The following CELF2 variants were observed in gnomAD, a reference collection of about 807,000 sequenced individuals.
CELF2 encodes the protein CUG triplet repeat RNA-binding protein 2.
In CELF2, 8 loss-of-function variants were observed where a neutral mutation model predicts 62.6. The observed-to-expected ratio is 0.13, with a 90% CI of 0.07 to 0.23. CELF2 has a LOEUF of 0.23. CELF2 is among the 10% of genes least tolerant of loss of function. The pLI, the probability that CELF2 is intolerant of heterozygous loss-of-function variation, is 1.00. For missense variants in CELF2, 333 were observed against 671.0 expected, an observed-to-expected ratio of 0.50 and a Z score of 5.56; for synonymous variants, 258 against 250.0, an observed-to-expected ratio of 1.03 and a Z score of -0.30.
chr10:10,554,389 G>T, the CELF2 span, among the ~76,000 whole-genome samples: 1 of 152,154 alleles, frequency 6.6e-6, no homozygotes, highest in Non-Finnish European at 1.5e-5. Flanking sequence ...TGATCTGATT[G>T]TGTCCTTCTG....
chr10:10,616,475 T>C, the CELF2 span, among the ~76,000 whole-genome samples: 1 of 152,056 alleles, frequency 6.6e-6, no homozygotes, highest in African/African-American at 2.4e-5. Context: ...TGTCCAGGTT[T>C]CAGGTTCTGT....
chr10:10,718,938 G>A, the CELF2 span, among the ~76,000 whole-genome samples: 1 of 149,094 alleles, frequency 6.7e-6, no homozygotes, highest in African/African-American at 2.5e-5. Context: ...CAGACTAACT[G>A]TTTTTCTGAA....
At chr10:10,920,162 C>T (rs915735464) in intron 2 of CELF2, among the ~76,000 whole-genome samples, 3 of 152,162 alleles carry the variant, frequency 2.0e-5, no homozygotes, top group African/African-American at 7.2e-5. Flanking sequence ...ATGCATGCGT[C>T]ACATATACAT....
intron 1 of CELF2, among the ~76,000 whole-genome samples, chr10:11,119,351 G>A (rs1179253094): frequency 2.0e-5 from 3 of 152,198 alleles, no homozygotes; most frequent in African/African-American, 7.2e-5. Flanking sequence ...GACAGTAGAT[G>A]TTCACTATCC....
At chr10:10,777,706 C>A in the CELF2 span, among the ~76,000 whole-genome samples, 2 of 152,150 alleles carry the variant, frequency 1.3e-5, no homozygotes, top group African/African-American at 4.8e-5. Flanking sequence ...TGCCCCTCTG[C>A]TGAAATCTGT....
chr10:10,871,829 G>A (rs937653236), intron 1 of CELF2, among the ~76,000 whole-genome samples: 2 of 152,114 alleles, frequency 1.3e-5, no homozygotes, highest in Non-Finnish European at 2.9e-5. Context: ...GGCAAACATT[G>A]CCAGAAATTT....
intron 1 of CELF2, among the ~76,000 whole-genome samples, chr10:11,099,242 T>C (rs2050760770): frequency 6.6e-6 from 1 of 152,220 alleles, no homozygotes; most frequent in East Asian, 1.9e-4. Flanking sequence ...TGTTCTGCTC[T>C]TCAGTAAAAA....
At chr10:10,565,154 G>A in the CELF2 span, among the ~76,000 whole-genome samples, 1 of 152,224 alleles carries the variant, frequency 6.6e-6, no homozygotes, top group Non-Finnish European at 1.5e-5. Context: ...GTAGGGTGAG[G>A]AGAGGCATTC....
intron 2 of CELF2, chr10:11,171,118 A>G (rs1596554400): frequency 6.6e-6 from 1 of 152,356 alleles, no homozygotes; most frequent in East Asian, 1.9e-4. Context: ...TACGTACCAA[A>G]GGAAAAAACT....
At position 10,838,306 on chromosome 10, in the gene CELF2, A is replaced by G. The variant is rs2058443749; in HGVS notation, c.53+39489A>G. Among the ~76,000 whole-genome samples the G allele has an allele frequency of 3.3e-5, 5 of 152,312 alleles. No individual in the cohort carries two copies. The South Asian group carries it at 1.0e-3, about 32-fold the overall frequency. ...CACTATATCGAGTGTACATGCTATC[A>G]ACATGGCTTCTCATGGTTGATGTCC... On this transcript the variant is annotated intron_variant, in intron 1 of 13. Transcript: ENST00000636488.
rs781744750 is a variant in CELF2, at chr10:11,232,889, C to T, written c.354+15382C>T. 6.6e-5 allele frequency among the ~76,000 whole-genome samples: 10 copies of T among 152,262 alleles called. No individual in the cohort carries two copies. The East Asian group carries it at 7.7e-4, about 12-fold the overall frequency. ...GTTCCCAATTCCCAGAGCAGCATCCCGGAGTCTTGTTTAGTCATGATCTTC... is the reference window on the plus strand; with the variant it reads ...GTTCCCAATTCCCAGAGCAGCATCCTGGAGTCTTGTTTAGTCATGATCTTC... On this transcript the variant is annotated intron_variant, in intron 3 of 12. Coordinates refer to ENST00000633077, the MANE Select transcript of CELF2 (RefSeq NM_001326342.2).
chr10:10,804,113 G>A (rs2054954786), intron 1 of CELF2, among the ~76,000 whole-genome samples: 1 of 152,196 alleles, frequency 6.6e-6, no homozygotes, highest in African/African-American at 2.4e-5. Flanking sequence ...TCTATATGTA[G>A]TGTTGAGGTG....
chr10:11,000,586 C>T (rs1180565647), upstream of CELF2, among the ~76,000 whole-genome samples: 3 of 152,082 alleles, frequency 2.0e-5, no homozygotes, highest in African/African-American at 7.2e-5. Flanking sequence ...ATTTAGGGCC[C>T]TTGGATTTGT....
Position 11,039,586 on chromosome 10 carries a change from C to T in CELF2, c.74+21423C>T, listed in dbSNP as rs182901128. Among the ~76,000 whole-genome samples the T allele has an allele frequency of 4.6e-5, 7 of 152,232 alleles. No homozygotes were observed. The highest frequency in any genetic ancestry group is 2.1e-4 in the South Asian group (1 of 4,828). ...CACATCTTATTTTGTAAGCTTTACACGCTTCTAATGCATGTTACTGAAAAC... is the reference window on the plus strand; with the variant it reads ...CACATCTTATTTTGTAAGCTTTACATGCTTCTAATGCATGTTACTGAAAAC... On this transcript the variant is annotated intron_variant, in intron 1 of 12. Coordinates refer to ENST00000633077, the MANE Select transcript of CELF2 (RefSeq NM_001326342.2). This position sits in a 1 kb window ranked among gnomAD's most constrained non-coding sequence, Gnocchi z 4.1.
the CELF2 span, among the ~76,000 whole-genome samples, chr10:10,653,123 C>T: frequency 6.6e-6 from 1 of 152,064 alleles, no homozygotes; most frequent in African/African-American, 2.4e-5. Context: ...ACAAAGAAGG[C>T]CACTACATAA....
the CELF2 span, among the ~76,000 whole-genome samples, chr10:10,779,398 T>G: frequency 6.6e-6 from 1 of 152,180 alleles, no homozygotes; most frequent in East Asian, 1.9e-4. Context: ...CAGGGCCGGA[T>G]CAGAGGAGCA....
chr10:11,037,062 C>T (rs1222011862), intron 1 of CELF2, among the ~76,000 whole-genome samples: 4 of 113,080 alleles, frequency 3.5e-5, no homozygotes, highest in Non-Finnish European at 5.0e-5. Flanking sequence ...TTAGTCCGTT[C>T]TCACACTGCT....
At chr10:10,592,007 C>G in the CELF2 span, among the ~76,000 whole-genome samples, 1 of 151,956 alleles carries the variant, frequency 6.6e-6, no homozygotes, top group African/African-American at 2.4e-5. Context: ...TAAACAGTCC[C>G]TGAGGCCAAA....
chr10:11,108,814 C>T (rs893695224), intron 1 of CELF2, among the ~76,000 whole-genome samples: 1 of 152,212 alleles, frequency 6.6e-6, no homozygotes, highest in South Asian at 2.1e-4. Context: ...TCTTTATAAA[C>T]TTCTTAGCCA....
Sources: allele counts gnomAD v4.1 joint callset (sites outside exome capture counted in the v4.1 genomes callset), GRCh38; gene constraint gnomAD v4.1.1; non-coding constraint Gnocchi (gnomAD v3.1); transcripts MANE v1.5; gene names NCBI Gene and HGNC (gene_info 2026-07-23, HGNC 2026-07-21).